The following SLC39A6 variants were observed in gnomAD, a reference collection of about 807,000 sequenced individuals.
The protein encoded by SLC39A6 is zinc transporter ZIP6.
SLC39A6 carries 51 observed loss-of-function variants against 63.5 expected under a neutral mutation model. The observed-to-expected ratio is 0.80, with a 90% CI of 0.64 to 1.01. The LOEUF is 1.01. SLC39A6 is among the 50% of genes least tolerant of loss of function. The probability of loss-of-function intolerance (pLI) is 0.00; values close to 1 mark genes in which losing one functional copy is unlikely to be tolerated. For missense variants in SLC39A6, 805 were observed against 927.8 expected (o/e 0.87, Z 1.72); for synonymous variants, 318 against 324.7 (o/e 0.98, Z 0.22).
chr18:36,117,968 T>C (rs1310995121), intron 5 of SLC39A6, among the ~76,000 whole-genome samples: 2 of 151,638 alleles, frequency 1.3e-5, no homozygotes, highest in African/African-American at 4.9e-5. Context: ...GAGGCGGAGC[T>C]TGCAGTGAGC....
Position 36,115,048 on chromosome 18 carries a change from A to G in SLC39A6, c.1466-574T>C, listed in dbSNP as rs577867504. Among the ~76,000 whole-genome samples, 8 of 152,314 alleles carry G rather than the reference A, an allele frequency of 5.3e-5. No homozygotes were observed. The South Asian group carries it at 6.2e-4, about 12-fold the overall frequency. Reference sequence around the variant, plus strand: ...AGGTTATTTTTTTTCTCCTGTACATAGTTATCAATTTTCTTGGAACCATCC... The same window carrying G: ...AGGTTATTTTTTTTCTCCTGTACATGGTTATCAATTTTCTTGGAACCATCC... On this transcript the variant is annotated intron_variant, in intron 6 of 9. Coordinates refer to ENST00000269187, the MANE Select transcript of SLC39A6 (RefSeq NM_012319.4).
chr18:36,123,443 T>C (rs889164554), intron 4 of SLC39A6, 52 bp downstream of exon 4: 61 of 1,472,120 alleles, frequency 4.1e-5, no homozygotes, highest in Middle Eastern at 1.8e-4. Flanking sequence ...CAAAACATTT[T>C]TTTTTCAATG....
intron 1 of SLC39A6, among the ~76,000 whole-genome samples, chr18:36,128,200 A>C (rs2089462719): frequency 6.6e-6 from 1 of 152,208 alleles, no homozygotes; most frequent in African/African-American, 2.4e-5. Flanking sequence ...GTTAATTCAG[A>C]TCCAGCAGGA....
intron 1 of SLC39A6, among the ~76,000 whole-genome samples, chr18:36,128,778 T>C (rs571983827): frequency 1.3e-5 from 2 of 151,958 alleles, no homozygotes; most frequent in Non-Finnish European, 2.9e-5. Context: ...AAAAGGCGAG[T>C]ACAGAAAACG....
Position 36,123,490 on chromosome 18 carries a change from C to T in SLC39A6, c.1140+5G>A. The T allele has an allele frequency of 1.2e-6, 2 of 1,605,278 alleles. No homozygotes were observed. Among genetic ancestry groups the T allele is most frequent in the South Asian group, 1.1e-5 (1 of 88,958 alleles). The stretch of plus-strand genomic sequence containing the variant: ...AACACTAACAGGACAAATTACTATA[C>T]TTACATGTGGAAGAAGGTGTAAAAA... On this transcript the variant is annotated splice_donor_5th_base_variant and intron_variant, in intron 4 of 9. Coordinates refer to ENST00000269187, the MANE Select transcript of SLC39A6 (RefSeq NM_012319.4).
chr18:36,119,657 T>A (rs1406590962), intron 5 of SLC39A6, among the ~76,000 whole-genome samples: 1 of 152,104 alleles, frequency 6.6e-6, no homozygotes, highest in Non-Finnish European at 1.5e-5. Flanking sequence ...GAAAAAATTA[T>A]TCTGTGTCAG....
intron 5 of SLC39A6, among the ~76,000 whole-genome samples, chr18:36,120,866 T>C (rs1266069305): frequency 3.3e-5 from 5 of 152,296 alleles, no homozygotes; most frequent in South Asian, 2.1e-4. Flanking sequence ...AAAAAAGATA[T>C]CAAATTACGT....
At chr18:36,124,495 T>C in intron 3 of SLC39A6, 25 bp downstream of exon 3, 1 of 1,474,660 alleles carries the variant, frequency 6.8e-7, no homozygotes, top group Non-Finnish European at 9.3e-7. Context: ...CTGAAATTGT[T>C]TTTACATAAA....
chr18:36,109,378 G>A lies in SLC39A6; in HGVS notation c.*215C>T, dbSNP rs567221521. ...GTTTACATAATAAACTGGTAATACC[G>A]GTGAATTGCACATACAGATTTTATC... On this transcript the variant is annotated 3_prime_UTR_variant, in exon 10 of 10. Coordinates refer to ENST00000269187, the MANE Select transcript of SLC39A6 (RefSeq NM_012319.4). The A allele has an allele frequency of 5.4e-6, 2 of 367,688 alleles. No individual in the cohort carries two copies. Among genetic ancestry groups the A allele is most frequent in the African/African-American group, 2.1e-5 (1 of 47,744 alleles). The allele number at this position is 367,688 out of a possible 1,614,324, so 22.8% of individuals were successfully genotyped here. A position where few individuals can be genotyped will look rare whatever the true frequency, so the allele number is the denominator to read the frequency against.
chr18:36,110,369 A>G (rs2089291019), intron 9 of SLC39A6, among the ~76,000 whole-genome samples: 1 of 151,510 alleles, frequency 6.6e-6, no homozygotes, highest in South Asian at 2.1e-4. Flanking sequence ...ATGATACATC[A>G]GAAGGATGTA....
At chr18:36,112,655 A>T (rs1418494799) in intron 7 of SLC39A6, 74 bp from the exon 8 acceptor site, 1 of 1,090,748 alleles carries the variant, frequency 9.2e-7, no homozygotes, top group Non-Finnish European at 1.4e-6. Flanking sequence ...ATGCAAAATG[A>T]GGTAACAAGA....
At chr18:36,128,535 T>C (rs73428915) in intron 1 of SLC39A6, among the ~76,000 whole-genome samples, 99 of 152,268 alleles carry the variant, frequency 6.5e-4, no homozygotes, top group African/African-American at 2.3e-3. Flanking sequence ...AGAGGAATCT[T>C]TGGGGCTTGA....
Position 36,116,742 on chromosome 18 carries a change from A to C in SLC39A6, c.1397T>G (p.Ile466Ser). The change falls in exon 6 of 10, where the codon ATT becomes AGT. Residue 466 changes from isoleucine to serine, a missense_variant. Ile to Ser is a moderately radical substitution (Grantham distance 142). Around this residue, in one of 4 missense-constraint regions of SLC39A6, gnomAD observed 639 missense variants for 644.0 expected, o/e 0.99. Coordinates refer to ENST00000269187, the MANE Select transcript of SLC39A6 (RefSeq NM_012319.4). ...TTCATACTTGGACAACTGCTTCTTA[A>C]TCTCCACATCATCATCATTTTCAGG... ...KKPENDDDVE[I>S]KKQLSKYESQ... 6.2e-7 allele frequency: 1 copy of C among 1,613,166 alleles called. No homozygotes were observed. The highest frequency in any genetic ancestry group is 8.5e-7 in the Non-Finnish European group (1 of 1,179,438).
intron 4 of SLC39A6, 94 bp from the exon 5 acceptor site, chr18:36,122,364 G>A: frequency 1.1e-6 from 1 of 891,298 alleles, no homozygotes; most frequent in Non-Finnish European, 1.8e-6. Context: ...AAATCATTCA[G>A]TTATGCAATT....
At chr18:36,119,445 T>C (rs533455880) in intron 5 of SLC39A6, among the ~76,000 whole-genome samples, 62 of 152,328 alleles carry the variant, frequency 4.1e-4, no homozygotes, top group African/African-American at 1.5e-3. Context: ...AGAGAGATCC[T>C]GGCTTTTAAG....
At position 36,123,593 on chromosome 18, in the gene SLC39A6, G is replaced by A; in HGVS notation, c.1042C>T (p.Leu348Phe). The A allele has an allele frequency of 6.2e-7, 1 of 1,613,838 alleles. No homozygotes were observed. The highest frequency in any genetic ancestry group is 8.5e-7 in the Non-Finnish European group (1 of 1,179,934). ...LSLLGVILVP[L>F]MNRVFFKFLL... ...AATTTGAAAAACACCCGATTCATGA[G>A]AGGCACTAAGATAACCCCCAGCAGA... Residue 348 changes from leucine to phenylalanine, a missense_variant, in exon 4 of 10, where the codon CTC becomes TTC. This residue lies in a region of SLC39A6 where 639 missense variants were observed against 644.0 expected (regional missense o/e 0.99). Transcript: ENST00000269187.
In SLC39A6 at chr18:36,112,457, A is replaced by G. The variant is rs754935523; in HGVS notation, c.1924+44T>C. The G allele has an allele frequency of 2.1e-6, 3 of 1,418,630 alleles. No individual in the cohort carries two copies. In the South Asian group the frequency reaches 3.5e-5, roughly 17 times the overall value. The allele number at this position is 1,418,630 out of a possible 1,614,324, so 87.9% of individuals were successfully genotyped here. A position where few individuals can be genotyped will look rare whatever the true frequency, so the allele number is the denominator to read the frequency against. ...ATTAGCAAAAGCCAGTGACACTAGA[A>G]CATTTCACCCACTTGGCAAATACAA... On this transcript the variant is annotated intron_variant, in intron 8 of 9. Coordinates refer to ENST00000269187, the MANE Select transcript of SLC39A6 (RefSeq NM_012319.4).
intron 5 of SLC39A6, among the ~76,000 whole-genome samples, chr18:36,117,750 G>A (rs1428531088): frequency 1.3e-5 from 2 of 151,996 alleles, no homozygotes; most frequent in Non-Finnish European, 2.9e-5. Context: ...AGGCAAACAC[G>A]GCCGGGCATG....
rs2089421881 is a variant in SLC39A6, at chr18:36,124,709, A to C, written c.790-9T>G. 6.6e-7 allele frequency: 1 copy of C among 1,525,494 alleles called. No homozygotes were observed. The highest frequency in any genetic ancestry group is 1.7e-5 in the Admixed American group (1 of 58,416). The allele number at this position is 1,525,494 out of a possible 1,614,324, so 94.5% of individuals were successfully genotyped here. ...TTTGATGCATTGAAACACTGAAAGA[A>C]ACAAAGCAGTGAAAATCACCAAAAG... On this transcript the variant is annotated splice_polypyrimidine_tract_variant and intron_variant, in intron 2 of 9. Transcript: ENST00000269187.
Sources: allele counts gnomAD v4.1 joint callset (sites outside exome capture counted in the v4.1 genomes callset), GRCh38; gene constraint gnomAD v4.1.1; regional missense constraint gnomAD v4.1.1; transcripts MANE v1.5; gene names NCBI Gene and HGNC (gene_info 2026-07-23, HGNC 2026-07-21).